MDH1B: variants seen among roughly 807,000 people sequenced by gnomAD.
The protein encoded by MDH1B is putative malate dehydrogenase 1B.
A neutral mutation model predicts 61.4 loss-of-function variants in MDH1B; 60 were observed. The ratio of observed to expected loss-of-function variants is 0.98; its 90% CI spans 0.79 to 1.21. The LOEUF (loss-of-function observed/expected upper bound fraction) is 1.21, where lower values mean the gene tolerates loss of function less well. MDH1B is among the 50% of genes most tolerant of loss of function. The probability of loss-of-function intolerance (pLI) is 0.00; values close to 1 mark genes in which losing one functional copy is unlikely to be tolerated. For missense variants in MDH1B, 587 were observed against 632.1 expected (o/e 0.93, Z 0.76); for synonymous variants, 236 against 218.7 (o/e 1.08, Z -0.70).
chr2:206,758,963 G>GTT (rs1374908161), intron 2 of MDH1B, among the ~76,000 whole-genome samples: 5 of 108,640 alleles, frequency 4.6e-5, no homozygotes, highest in Admixed American at 8.5e-5. Flanking sequence ...AAGGCTGTTT[G>GTT]TTTTTTTTTT....
chr2:206,740,924 G>A, intron 10 of MDH1B, 130 bp downstream of exon 10: 1 of 1,252,070 alleles, frequency 8.0e-7, no homozygotes, highest in Non-Finnish European at 1.1e-6. Context: ...TGTTTGTGAA[G>A]CATATGAAAA....
intron 6 of MDH1B, among the ~76,000 whole-genome samples, chr2:206,749,821 GCA>G (rs1688331239): frequency 6.6e-6 from 1 of 152,200 alleles, no homozygotes; most frequent in Non-Finnish European, 1.5e-5. Flanking sequence ...TCCACTTGTG[GCA>G]TCATGTTGGT....
At chr2:206,746,519 A>G (rs1688122631) in intron 7 of MDH1B, 93 bp from the exon 8 acceptor site, 2 of 1,315,660 alleles carry the variant, frequency 1.5e-6, no homozygotes, top group East Asian at 2.7e-5. Flanking sequence ...CAGACATAGT[A>G]TAGGATTTTT....
rs200470220 is a variant in MDH1B, at chr2:206,748,997, A to G, written c.1216+23T>C. On this transcript the variant is annotated intron_variant, in intron 7 of 11. Coordinates refer to ENST00000374412, the MANE Select transcript of MDH1B (RefSeq NM_001039845.3). ...TAGATAGAGGTTTTAAGATTTTACA[A>G]GATATGAAAAACCCAGATTTACCTT... 1.9e-5 allele frequency: 30 copies of G among 1,606,558 alleles called. 1 individual carries two copies. In the East Asian group the frequency reaches 4.9e-4, roughly 26 times the overall value.
intron 8 of MDH1B, 111 bp downstream of exon 8, chr2:206,746,176 G>T: frequency 2.2e-6 from 2 of 914,526 alleles, no homozygotes; most frequent in South Asian, 3.1e-5. Flanking sequence ...TTATTTTTAA[G>T]AATTAAAAAA....
intron 5 of MDH1B, among the ~76,000 whole-genome samples, chr2:206,751,498 A>G (rs1349138646): frequency 6.6e-6 from 1 of 152,176 alleles, no homozygotes; most frequent in East Asian, 1.9e-4. Flanking sequence ...CTTGTTCTAG[A>G]CTAGAATAGA....
rs183596230 is a variant in MDH1B at position 206,764,926 on chromosome 2, A to G, written c.22+324T>C. Among the ~76,000 whole-genome samples, 36 of 152,150 alleles carry G rather than the reference A, an allele frequency of 2.4e-4. 1 individual carries two copies. In the East Asian group the frequency reaches 4.3e-3, roughly 18 times the overall value. ...AGTTCCTTGTGTCCACCTCTCCCTC[A>G]TCCCCCAAACCCAGATTAGGAGTCT... On this transcript the variant is annotated intron_variant, in intron 1 of 11. Transcript: ENST00000374412.
At chr2:206,740,354 A>G (rs761017886) in intron 10 of MDH1B, among the ~76,000 whole-genome samples, 2 of 152,232 alleles carry the variant, frequency 1.3e-5, no homozygotes, top group African/African-American at 2.4e-5. Context: ...TAAGAAAATC[A>G]TAAGGAAGAG....
At position 206,749,116 on chromosome 2, in the gene MDH1B, CTCCAAATTGTCT is replaced by C; in HGVS notation, c.1108_1119del (p.Arg370_Gly373del). On this transcript the variant is annotated inframe_deletion, in exon 7 of 12. Transcript: ENST00000374412. The stretch of plus-strand genomic sequence containing the variant: ...GCTATACTGTGTGCAGCCAAAATGC[CTCCAAATTGTCT>C]TCCTGTGGTGGTCAAGTTTTTAAGA... 6.2e-7 allele frequency: 1 copy of C among 1,614,132 alleles called. No homozygotes were observed. Among genetic ancestry groups the C allele is most frequent in the South Asian group, 1.1e-5 (1 of 91,084 alleles).
chr2:206,753,592 G>A (rs1203358075), intron 5 of MDH1B, among the ~76,000 whole-genome samples: 1 of 152,164 alleles, frequency 6.6e-6, no homozygotes, highest in East Asian at 1.9e-4. Flanking sequence ...CACCCTCTTG[G>A]CATCTAGAAT....
chr2:206,749,174 T>A lies in MDH1B; in HGVS notation c.1062A>T (p.Val354=), dbSNP rs770883203. Residue 354 remains valine, a synonymous_variant, in exon 7 of 12, where the codon GTA becomes GTT. Transcript: ENST00000374412. ...TAAGAATTGCCACAAATTCTCTTTT[T>A]ACCCACTCACTGTAAGGAGAGAAAG... ...VLNLIFDSEW[V]KREFVAILKN... 3 of 1,614,048 alleles carry A rather than the reference T, an allele frequency of 1.9e-6. No individual in the cohort carries two copies. The East Asian group carries it at 6.7e-5, about 36-fold the overall frequency.
intron 9 of MDH1B, among the ~76,000 whole-genome samples, chr2:206,742,916 C>T (rs13019530): frequency 0.16 from 24,241 of 151,612 alleles, 3,148 homozygotes; most frequent in East Asian, 0.5. Flanking sequence ...AGGGTTTCAC[C>T]ATGTTAGCCA....
intron 1 of MDH1B, among the ~76,000 whole-genome samples, chr2:206,762,297 G>A (rs2105958605): frequency 6.6e-6 from 1 of 152,238 alleles, no homozygotes; most frequent in Non-Finnish European, 1.5e-5. Context: ...AAAACAAAAT[G>A]GCATTAGTTT....
At position 206,755,387 on chromosome 2, in the gene MDH1B, T is replaced by C. The variant is rs752266843; in HGVS notation, c.532A>G (p.Lys178Glu). Residue 178 changes from lysine to glutamate, a missense_variant, in exon 5 of 12, where the codon AAA (lysine) becomes GAA (glutamate). Lys to Glu is a moderately conservative substitution (Grantham distance 56, BLOSUM62 1). Transcript: ENST00000374412. ...TCTTGGGTCTCCACCACAAGGCTTTTGAGATGTTCTTCCGCCTGCTTGTTG... is the reference window on the plus strand; with the variant it reads ...TCTTGGGTCTCCACCACAAGGCTTTCGAGATGTTCTTCCGCCTGCTTGTTG... ...FDNKQAEEHL[K>E]SLVVETQDLA... The C allele has an allele frequency of 2.2e-5, 35 of 1,614,012 alleles. No homozygotes were observed. The highest frequency in any genetic ancestry group is 2.1e-5 in the Non-Finnish European group (25 of 1,179,976).
At chr2:206,751,107 A>C in intron 5 of MDH1B, 32 bp from the exon 6 acceptor site, 5 of 1,453,150 alleles carry the variant, frequency 3.4e-6, no homozygotes, top group Non-Finnish European at 4.6e-6. Context: ...GAAAAATAAT[A>C]ATAATGTATG....
chr2:206,750,931 T>C lies in MDH1B; in HGVS notation c.1052+3A>G, dbSNP rs1352177994. 6.2e-7 allele frequency: 1 copy of C among 1,602,772 alleles called. No individual in the cohort carries two copies. Among genetic ancestry groups the C allele is most frequent in the South Asian group, 1.1e-5 (1 of 88,152 alleles). ...GTATGCTTCACTTCAAAATATACTG[T>C]ACCTGTCAAAAATCAAGTTTAAAAC... On this transcript the variant is annotated splice_donor_region_variant and intron_variant, in intron 6 of 11. Coordinates refer to ENST00000374412, the MANE Select transcript of MDH1B (RefSeq NM_001039845.3).
chr2:206,759,012 C>T (rs1311225368), intron 2 of MDH1B, among the ~76,000 whole-genome samples: 1 of 149,134 alleles, frequency 6.7e-6, no homozygotes, highest in Admixed American at 6.7e-5. Context: ...TTCAGGGGTA[C>T]AAGTGCAGTT....
intron 5 of MDH1B, among the ~76,000 whole-genome samples, chr2:206,751,998 T>G (rs545755762): frequency 5.3e-5 from 8 of 152,302 alleles, no homozygotes; most frequent in African/African-American, 1.9e-4. Flanking sequence ...CCTACTGACT[T>G]GTCTTAACTA....
chr2:206,757,720 T>A (rs1233466939), intron 2 of MDH1B, among the ~76,000 whole-genome samples: 1 of 152,222 alleles, frequency 6.6e-6, no homozygotes, highest in Non-Finnish European at 1.5e-5. Context: ...TTGCCCTTAT[T>A]CTTTTACACA....
Sources: gnomAD v4.1 joint callset for allele counts (sites outside exome capture counted in the v4.1 genomes callset) on GRCh38, gnomAD v4.1.1 for gene constraint, MANE v1.5 for transcripts, NCBI Gene and HGNC (gene_info 2026-07-23, HGNC 2026-07-21) for gene names.